PPIL4: variants seen among roughly 807,000 people sequenced by gnomAD.
PPIL4 encodes the protein peptidylprolyl isomerase like 4, also known as peptidyl-prolyl cis-trans isomerase-like 4.
PPIL4 carries 50 observed loss-of-function variants against 69.1 expected under a neutral mutation model. The ratio of observed to expected loss-of-function variants is 0.72; its 90% CI spans 0.58 to 0.92. The LOEUF (loss-of-function observed/expected upper bound fraction) is 0.92, where lower values mean the gene tolerates loss of function less well. Ranked by LOEUF, PPIL4 falls within the 40% of genes least tolerant of loss-of-function variation. The pLI is 0.00. For synonymous variants in PPIL4, 193 were observed against 191.6 expected, an observed-to-expected ratio of 1.01 and a Z score of -0.06; for missense variants, 480 against 587.9, an observed-to-expected ratio of 0.82 and a Z score of 1.90.
In PPIL4 at chr6:149,517,407, TTC is replaced by T; in HGVS notation, c.1024_1025del (p.Glu342ThrfsTer3). ...TKSDFKEYEKEQDKPPNLVLK... is the reference protein window; with the variant it reads ...TKSDFKEYEKXQDKPPNLVLK... ...GAACCAAATTAGGTGGTTTATCCTG[TTC>T]TTTTTCATACTCCTTGAAATCACTC... On this transcript the variant is annotated frameshift_variant, in exon 11 of 13. Transcript: ENST00000253329. LOFTEE classifies it high-confidence loss of function. The T allele has an allele frequency of 6.2e-7, 1 of 1,607,358 alleles. No homozygotes were observed. The highest frequency in any genetic ancestry group is 8.5e-7 in the Non-Finnish European group (1 of 1,175,488).
At chr6:149,535,125 G>A (rs558628903) in intron 5 of PPIL4, among the ~76,000 whole-genome samples, 23 of 152,308 alleles carry the variant, frequency 1.5e-4, no homozygotes, top group African/African-American at 5.5e-4. Flanking sequence ...AGGAGGCTGA[G>A]GTGGGTGGAT....
intron 12 of PPIL4, among the ~76,000 whole-genome samples, chr6:149,506,288 G>GC (rs1776769624): frequency 6.6e-6 from 1 of 152,248 alleles, no homozygotes; most frequent in East Asian, 1.9e-4. Context: ...AGACCAGCCT[G>GC]ACCAACATGG....
intron 8 of PPIL4, among the ~76,000 whole-genome samples, 176 bp downstream of exon 8, chr6:149,526,476 G>GTA (rs1317931518): frequency 6.6e-6 from 1 of 152,126 alleles, no homozygotes; most frequent in Non-Finnish European, 1.5e-5. Context: ...ACGTATGTAT[G>GTA]TATGTCTACA....
At chr6:149,523,705 A>G (rs1186416733) in intron 9 of PPIL4, among the ~76,000 whole-genome samples, 1 of 146,724 alleles carries the variant, frequency 6.8e-6, no homozygotes, top group Non-Finnish European at 1.5e-5. Flanking sequence ...AAATAAAAAG[A>G]AAAAAAAAAA....
intron 4 of PPIL4, among the ~76,000 whole-genome samples, chr6:149,538,886 G>A (rs1440044751): frequency 4.6e-5 from 7 of 151,098 alleles, no homozygotes; most frequent in East Asian, 3.9e-4. Context: ...TTGCTGCATC[G>A]CCCAGGCTGG....
Position 149,538,698 on chromosome 6 carries a change from G to A in PPIL4, c.321+2244C>T, listed in dbSNP as rs549658805. 2.6e-5 allele frequency among the ~76,000 whole-genome samples: 4 copies of A among 152,354 alleles called. No homozygotes were observed. In the South Asian group the frequency reaches 6.2e-4, roughly 24 times the overall value. On this transcript the variant is annotated intron_variant, in intron 4 of 12. Transcript: ENST00000253329. ...ACTTTGAGTGGCTCAAGACTTCAGT[G>A]AAGGAAGTAACTGCAAATGTGGTGG... is the stretch of plus-strand genomic sequence containing the variant.
chr6:149,513,412 A>AATATATATATATATATATAT (rs1200919281), intron 11 of PPIL4, among the ~76,000 whole-genome samples: 1 of 55,326 alleles, frequency 1.8e-5, no homozygotes, highest in African/African-American at 7.6e-5. Context: ...AAAAAAAAAA[A>AATATATATATATATATATAT]ATATATATAT....
chr6:149,526,602 A>G, intron 8 of PPIL4, 50 bp downstream of exon 8: 1 of 1,531,918 alleles, frequency 6.5e-7, no homozygotes, highest in Non-Finnish European at 8.9e-7. Context: ...AAAACCACCA[A>G]CTGATACCTA....
intron 8 of PPIL4, among the ~76,000 whole-genome samples, chr6:149,526,370 C>T (rs1374743720): frequency 6.6e-6 from 1 of 152,102 alleles, no homozygotes; most frequent in Non-Finnish European, 1.5e-5. Context: ...GAGAGTATTA[C>T]AGAACTAGAT....
rs1554217773 is a variant in PPIL4, at chr6:149,541,317, G to GTAAGTAAA, written c.203+49_203+50insTTTACTTA. 5.7e-4 allele frequency: 431 copies of GTAAGTAAA among 757,274 alleles called. 2 individuals are homozygous for GTAAGTAAA. In the African/African-American group the frequency reaches 7.9e-3, roughly 14 times the overall value. 46.9% of individuals were successfully genotyped at this position (757,274 alleles called of 1,614,324 possible). On this transcript the variant is annotated intron_variant, in intron 3 of 12. Coordinates refer to ENST00000253329, the MANE Select transcript of PPIL4 (RefSeq NM_139126.4). ...TGTTCTGCCCTTCCAGAGGTTAAAAGTAAATAAATAAATAAATAAATAAAT... is the reference window on the plus strand; with the variant it reads ...TGTTCTGCCCTTCCAGAGGTTAAAAGTAAGTAAATAAATAAATAAATAAATAAATAAAT...
At chr6:149,539,781 C>A (rs945969777) in intron 4 of PPIL4, among the ~76,000 whole-genome samples, 2 of 152,162 alleles carry the variant, frequency 1.3e-5, no homozygotes, top group African/African-American at 4.8e-5. Flanking sequence ...CCTTCACCAG[C>A]AAAAAGATTA....
chr6:149,520,967 C>G (rs1042940721), intron 10 of PPIL4, 93 bp downstream of exon 10: 1 of 674,648 alleles, frequency 1.5e-6, no homozygotes. Context: ...GAACCAAGAT[C>G]GTGCCACTGC....
chr6:149,517,477 G>T (rs1403175694), intron 10 of PPIL4, 27 bp from the exon 11 acceptor site: 2 of 1,268,782 alleles, frequency 1.6e-6, no homozygotes, highest in African/African-American at 1.5e-5. Context: ...GAAAAAAAGA[G>T]CTTAGTAAAA....
intron 1 of PPIL4, 65 bp from the exon 2 acceptor site, chr6:149,541,651 C>A: frequency 1.1e-6 from 1 of 900,174 alleles, no homozygotes; most frequent in Non-Finnish European, 1.8e-6. Flanking sequence ...ATAAGTAAAG[C>A]CACAGTAAAA....
Position 149,512,118 on chromosome 6 carries a change from T to G in PPIL4, c.1227+37A>C, listed in dbSNP as rs369166335. On this transcript the variant is annotated intron_variant, in intron 12 of 12. Coordinates refer to ENST00000253329, the MANE Select transcript of PPIL4 (RefSeq NM_139126.4). Reference sequence around the variant, plus strand: ...CATCATTTACAGAGGGATAAAATATTTATTTCTCCACATCTAAGTCTGGAC... The same window carrying G: ...CATCATTTACAGAGGGATAAAATATGTATTTCTCCACATCTAAGTCTGGAC... 6 of 1,502,598 alleles carry G rather than the reference T, an allele frequency of 4.0e-6. No homozygotes were observed. The African/African-American group carries it at 7.0e-5, about 18-fold the overall frequency. 93.1% of individuals were successfully genotyped at this position (1,502,598 alleles called of 1,614,324 possible).
chr6:149,529,873 T>C (rs1490193232), intron 7 of PPIL4, among the ~76,000 whole-genome samples: 2 of 151,932 alleles, frequency 1.3e-5, no homozygotes, highest in African/African-American at 4.8e-5. Context: ...TGTATATTGC[T>C]AAGTGAAAGA....
intron 12 of PPIL4, among the ~76,000 whole-genome samples, chr6:149,510,448 T>A (rs1457107731): frequency 1.3e-5 from 2 of 151,940 alleles, no homozygotes; most frequent in South Asian, 2.1e-4. Context: ...AATAAATAAA[T>A]AAAAATGAAA....
chr6:149,525,934 A>G (rs1777099238), intron 8 of PPIL4, among the ~76,000 whole-genome samples: 1 of 152,090 alleles, frequency 6.6e-6, no homozygotes, highest in South Asian at 2.1e-4. Flanking sequence ...CCCCGTCTCT[A>G]CTAAAAATAC....
chr6:149,537,862 T>C (rs1777301155), intron 4 of PPIL4, among the ~76,000 whole-genome samples: 1 of 152,222 alleles, frequency 6.6e-6, no homozygotes, highest in African/African-American at 2.4e-5. Flanking sequence ...TCCTTTTAAA[T>C]ATGACTGCTC....
Sources: allele counts gnomAD v4.1 joint callset (sites outside exome capture counted in the v4.1 genomes callset), GRCh38; gene constraint gnomAD v4.1.1; transcripts MANE v1.5; gene names NCBI Gene and HGNC (gene_info 2026-07-23, HGNC 2026-07-21).